IRAG1: variants seen among roughly 807,000 people sequenced by gnomAD.
IRAG1 encodes inositol 1,4,5-triphosphate receptor associated 1, also known as IP3R-associated cGMP kinase substrate.
In IRAG1, 62 loss-of-function variants were observed where a neutral mutation model predicts 106.2. That is an observed-to-expected ratio of 0.58 (90% CI 0.48 to 0.72). IRAG1 has a LOEUF of 0.72. IRAG1 is among the 30% of genes least tolerant of loss of function. The pLI is 0.00. For missense variants in IRAG1, 1,064 were observed against 1,140.7 expected, an observed-to-expected ratio of 0.93 and a Z score of 0.97; for synonymous variants, 462 against 443.9, an observed-to-expected ratio of 1.04 and a Z score of -0.51.
rs1856453663 is a variant in IRAG1, at chr11:10,628,623, G to T, written c.652+128C>A. On this transcript the variant is annotated intron_variant, in intron 6 of 20. Coordinates refer to ENST00000423302, the MANE Select transcript of IRAG1 (RefSeq NM_130385.4). This position sits in a 1 kb window ranked among gnomAD's most constrained non-coding sequence, Gnocchi z 4.1. Reference sequence around the variant, plus strand: ...CCCCTGGAGAGGGGTCTTGCTCTGGGTGTGAAGGGGCCATCAGAGTTCTTG... The same window carrying T: ...CCCCTGGAGAGGGGTCTTGCTCTGGTTGTGAAGGGGCCATCAGAGTTCTTG... The T allele has an allele frequency of 2.6e-5, 20 of 762,564 alleles. No homozygotes were observed. In the East Asian group the frequency reaches 6.0e-4, roughly 23 times the overall value. The allele number at this position is 762,564 out of a possible 1,614,324, so 47.2% of individuals were successfully genotyped here.
At chr11:10,584,271 C>T (rs1260731274) in intron 18 of IRAG1, among the ~76,000 whole-genome samples, 3 of 152,144 alleles carry the variant, frequency 2.0e-5, no homozygotes, top group Non-Finnish European at 4.4e-5. Flanking sequence ...TGTATCTTCT[C>T]CTCATTCTTG....
intron 1 of IRAG1, among the ~76,000 whole-genome samples, chr11:10,656,126 T>C (rs1407735207): frequency 1.3e-5 from 2 of 152,236 alleles, no homozygotes; most frequent in Non-Finnish European, 2.9e-5. Context: ...CTGCAAAGTT[T>C]AGAATATAAT....
chr11:10,618,279 G>A (rs911180874), intron 10 of IRAG1, among the ~76,000 whole-genome samples: 2 of 152,136 alleles, frequency 1.3e-5, no homozygotes, highest in African/African-American at 4.8e-5. Context: ...ACCCCACTGA[G>A]CTAGCTGCTT....
chr11:10,634,792 GACACAATATTTTAT>G (rs1857018317), intron 2 of IRAG1, among the ~76,000 whole-genome samples: 3 of 71,406 alleles, frequency 4.2e-5, no homozygotes, highest in Non-Finnish European at 8.6e-5. Flanking sequence ...TGTGTATACA[GACACAATATTTTAT>G]TGTGTATATA....
chr11:10,592,560 C>G (rs572877661), intron 17 of IRAG1, among the ~76,000 whole-genome samples: 5 of 152,160 alleles, frequency 3.3e-5, no homozygotes, highest in African/African-American at 1.2e-4. Context: ...CAGATTGTTT[C>G]CTTATAGGGT....
intron 18 of IRAG1, chr11:10,586,099 C>T (rs1851945419): frequency 6.6e-6 from 1 of 152,208 alleles, no homozygotes; most frequent in African/African-American, 2.4e-5. Flanking sequence ...CCATGCTGCC[C>T]CTCTTTTCAA....
intron 20 of IRAG1, 66 bp from the exon 21 acceptor site, chr11:10,576,641 C>G (rs766588791): frequency 4.7e-5 from 75 of 1,587,562 alleles, no homozygotes; most frequent in Non-Finnish European, 6.0e-5. Context: ...CACAGACCCA[C>G]AGTTCTCTCT....
chr11:10,603,490 A>C (rs1409260035), intron 13 of IRAG1, among the ~76,000 whole-genome samples: 1 of 152,094 alleles, frequency 6.6e-6, no homozygotes, highest in Non-Finnish European at 1.5e-5. Context: ...CCCTATGGGA[A>C]TCGAATGCTG....
In IRAG1 at chr11:10,628,784, G is replaced by A. The variant is rs762808034; in HGVS notation, c.619C>T (p.Arg207Trp). 4.5e-6 allele frequency: 7 copies of A among 1,560,742 alleles called. No homozygotes were observed. The highest frequency in any genetic ancestry group is 4.1e-5 in the Admixed American group (2 of 49,332). Residue 207 changes from arginine to tryptophan, a missense_variant, in exon 6 of 21, where the codon CGG becomes TGG. Arg to Trp is a moderately radical substitution (Grantham distance 101, BLOSUM62 -3). Coordinates refer to ENST00000423302, the MANE Select transcript of IRAG1 (RefSeq NM_130385.4). The surrounding 1 kb of genome is among the most constrained non-coding windows in gnomAD (Gnocchi z 4.1). ...GTGGGGACTGTAAGTGAGTTGCTCC[G>A]AGAGGATGTAGGAGAAGCGCTGGGG... The part of the protein sequence containing the change: ...LSPSASPTSS[R>W]SNSLTVPTPP...
chr11:10,637,257 A>C (rs1480952802), intron 2 of IRAG1, among the ~76,000 whole-genome samples: 1 of 152,152 alleles, frequency 6.6e-6, no homozygotes, highest in Non-Finnish European at 1.5e-5. Flanking sequence ...GGAAACCTAG[A>C]GCTGGCCAAG....
intron 10 of IRAG1, 137 bp downstream of exon 10, chr11:10,623,641 A>C (rs1856004763): frequency 2.4e-6 from 2 of 818,672 alleles, no homozygotes; most frequent in Non-Finnish European, 3.9e-6. Flanking sequence ...CAGAAGACAC[A>C]ATCGGATTCA....
rs1853950634 is a variant in IRAG1, at chr11:10,601,123, T to G, written c.1876-64A>C. 22 of 1,599,782 alleles carry G rather than the reference T, an allele frequency of 1.4e-5. No individual in the cohort carries two copies. The South Asian group carries it at 2.3e-4, about 17-fold the overall frequency. ...AGGAAAGGCTCCGTTGGCACTTATT[T>G]GCTCTGACCTAGGGTCTGGGCTAGG... is the stretch of plus-strand genomic sequence containing the variant. On this transcript the variant is annotated intron_variant, in intron 14 of 20. Coordinates refer to ENST00000423302, the MANE Select transcript of IRAG1 (RefSeq NM_130385.4).
At chr11:10,588,341 CT>C (rs368074962) in intron 18 of IRAG1, among the ~76,000 whole-genome samples, 127 of 145,782 alleles carry the variant, frequency 8.7e-4, no homozygotes, top group Admixed American at 1.0e-3. Context: ...TAGAGGGAAA[CT>C]TTTTTTTTTT....
rs1259719220 is a variant in IRAG1 at position 10,687,600 on chromosome 11, A to G, written c.67+5936T>C. 6 of 1,097,204 alleles carry G rather than the reference A, an allele frequency of 5.5e-6. No individual in the cohort carries two copies. In the East Asian group the frequency reaches 3.8e-4, roughly 69 times the overall value. 68.0% of individuals were successfully genotyped at this position (1,097,204 alleles called of 1,614,324 possible). A position where few individuals can be genotyped will look rare whatever the true frequency, so the allele number is the denominator to read the frequency against. On this transcript the variant is annotated intron_variant, in intron 1 of 20. Transcript: ENST00000423302. The stretch of plus-strand genomic sequence containing the variant: ...CCCAACAAGCCTTAAAGCTTCAGTG[A>G]AGGAAAGAGGTGTTATTTATTGGGC...
intron 2 of IRAG1, among the ~76,000 whole-genome samples, chr11:10,636,078 A>G (rs1260673913): frequency 2.0e-5 from 3 of 152,210 alleles, no homozygotes; most frequent in Admixed American, 2.0e-4. Context: ...ACTACTAGCT[A>G]TGTGTCGTGG....
intron 1 of IRAG1, 104 bp downstream of exon 1, chr11:10,693,432 G>A: frequency 4.1e-6 from 6 of 1,480,970 alleles, no homozygotes; most frequent in Non-Finnish European, 5.3e-6. Context: ...GAAAGTTAAA[G>A]TTTAGCACCC....
rs370428908 is a variant in IRAG1 at position 10,609,688 on chromosome 11, CT to C, written c.1571+39del. The C allele has an allele frequency of 0.011, 17,182 of 1,602,570 alleles. 1,539 individuals carry two copies. The African/African-American group carries it at 0.2, about 18-fold the overall frequency. On this transcript the variant is annotated intron_variant, in intron 11 of 20. Transcript: ENST00000423302. The stretch of plus-strand genomic sequence containing the variant: ...CACCTAGAATCCAACACAGGGGCCA[CT>C]CGGTACAGGGCCTTCTGTAACCCAC...
intron 2 of IRAG1, among the ~76,000 whole-genome samples, chr11:10,642,082 G>A (rs1857555919): frequency 1.3e-5 from 2 of 152,156 alleles, no homozygotes; most frequent in African/African-American, 2.4e-5. Context: ...ACACACAGCT[G>A]GAGAAAAGGA....
chr11:10,650,943 A>T (rs1165724624), intron 2 of IRAG1, among the ~76,000 whole-genome samples: 1 of 152,260 alleles, frequency 6.6e-6, no homozygotes, highest in African/African-American at 2.4e-5. Context: ...ATGTGTCAGA[A>T]AACAAATGCC....
Sources: allele counts gnomAD v4.1 joint callset (sites outside exome capture counted in the v4.1 genomes callset), GRCh38; gene constraint gnomAD v4.1.1; non-coding constraint Gnocchi (gnomAD v3.1); transcripts MANE v1.5; gene names NCBI Gene and HGNC (gene_info 2026-07-23, HGNC 2026-07-21).